The following CRTAC1 variants were observed in gnomAD, a reference collection of about 807,000 sequenced individuals.
CRTAC1 encodes the protein cartilage acidic protein 1.
Under a neutral mutation model 67.8 loss-of-function variants are expected in CRTAC1, and 37 were observed. That is an observed-to-expected ratio of 0.55 (90% CI 0.42 to 0.72). CRTAC1 has a LOEUF of 0.72. CRTAC1 is among the 30% of genes least tolerant of loss of function. The pLI is 0.00. For missense variants in CRTAC1, 780 were observed against 931.6 expected (o/e 0.84, Z 2.12); for synonymous variants, 348 against 371.0 (o/e 0.94, Z 0.71).
chr10:98,005,647 C>T (rs1842776111), intron 2 of CRTAC1, among the ~76,000 whole-genome samples: 1 of 150,680 alleles, frequency 6.6e-6, no homozygotes. Flanking sequence ...CTATTATTTA[C>T]CATATCTATC....
At chr10:97,923,510 G>T in intron 3 of CRTAC1, 110 bp from the exon 4 acceptor site, 2 of 1,380,134 alleles carry the variant, frequency 1.4e-6, no homozygotes, top group South Asian at 1.2e-5. Context: ...ACCAGAGGAG[G>T]TTGGGTCATC....
chr10:97,866,494 G>T (rs2136522097), intron 14 of CRTAC1: 1 of 152,384 alleles, frequency 6.6e-6, no homozygotes. Flanking sequence ...CCAGTTTCCT[G>T]AGATTAGAAC....
intron 2 of CRTAC1, among the ~76,000 whole-genome samples, chr10:97,957,632 C>T (rs2051460889): frequency 6.6e-6 from 1 of 152,142 alleles, no homozygotes; most frequent in Non-Finnish European, 1.5e-5. Context: ...GTTCTTAACA[C>T]AGTTTTCTTC....
At chr10:98,009,019 G>A (rs1842854620) in intron 2 of CRTAC1, among the ~76,000 whole-genome samples, 1 of 152,134 alleles carries the variant, frequency 6.6e-6, no homozygotes, top group Non-Finnish European at 1.5e-5. Context: ...GTGTCTCCCT[G>A]ATTCAGAGAG....
At chr10:97,908,797 A>G (rs1427373809) in intron 5 of CRTAC1, among the ~76,000 whole-genome samples, 3 of 152,254 alleles carry the variant, frequency 2.0e-5, no homozygotes, top group South Asian at 2.1e-4. Flanking sequence ...AGAATCAGCA[A>G]TTCACCAAGT....
chr10:98,030,434 G>A lies in CRTAC1; in HGVS notation c.24+15C>T. 11 of 1,248,822 alleles carry A rather than the reference G, an allele frequency of 8.8e-6. No homozygotes were observed. The highest frequency in any genetic ancestry group is 1.1e-5 in the Non-Finnish European group (11 of 987,858). The allele number at this position is 1,248,822 out of a possible 1,614,324, so 77.4% of individuals were successfully genotyped here. On this transcript the variant is annotated intron_variant, in intron 1 of 14. Transcript: ENST00000370597. The surrounding 1 kb of genome is among the most constrained non-coding windows in gnomAD (Gnocchi z 4.2). ...TCTCCGCCTTAGGGTGGGGGGCACC[G>A]GTGCAGATACTCACGCCGGGGTCAG... is the stretch of plus-strand genomic sequence containing the variant.
At chr10:98,018,735 CGTT>C (rs1250544330) in intron 1 of CRTAC1, among the ~76,000 whole-genome samples, 1 of 152,130 alleles carries the variant, frequency 6.6e-6, no homozygotes, top group Non-Finnish European at 1.5e-5. Flanking sequence ...ATATTTCCGA[CGTT>C]GGCGACAAGC....
intron 4 of CRTAC1, among the ~76,000 whole-genome samples, chr10:97,922,703 T>C (rs981672138): frequency 6.6e-6 from 1 of 152,206 alleles, no homozygotes; most frequent in African/African-American, 2.4e-5. Context: ...GGCACCTCTG[T>C]GTAGGGTGCA....
At position 97,904,798 on chromosome 10, in the gene CRTAC1, GTGGGGGTCGTCCAC is replaced by G; in HGVS notation, c.853_866del (p.Val285ProfsTer10). On this transcript the variant is annotated frameshift_variant and splice_region_variant, in exon 7 of 15. Transcript: ENST00000370597. LOFTEE classifies it high-confidence loss of function. ...CCAGGGCGACACCTCGCCCATGCTG[GTGGGGGTCGTCCAC>G]ACCTGGGGAGGAGAGGCAGGAACTC... 1 of 1,600,186 alleles carries G rather than the reference GTGGGGGTCGTCCAC, an allele frequency of 6.2e-7. No individual in the cohort carries two copies. The highest frequency in any genetic ancestry group is 8.5e-7 in the Non-Finnish European group (1 of 1,174,458).
At chr10:98,002,683 C>G (rs1323749054) in intron 2 of CRTAC1, among the ~76,000 whole-genome samples, 1 of 144,044 alleles carries the variant, frequency 6.9e-6, no homozygotes, top group Non-Finnish European at 1.5e-5. Flanking sequence ...AGGTGTCAAA[C>G]AGTGAGTTAC....
At chr10:97,985,375 C>T (rs2051963236) in intron 2 of CRTAC1, among the ~76,000 whole-genome samples, 1 of 152,178 alleles carries the variant, frequency 6.6e-6, no homozygotes, top group African/African-American at 2.4e-5. Flanking sequence ...TCTTCTTTAT[C>T]TCATAGCTCC....
intron 13 of CRTAC1, among the ~76,000 whole-genome samples, chr10:97,880,707 G>A (rs1195093938): frequency 6.6e-6 from 1 of 152,122 alleles, no homozygotes; most frequent in East Asian, 1.9e-4. Context: ...CCAGACTCAC[G>A]AATACAATAA....
intron 2 of CRTAC1, among the ~76,000 whole-genome samples, chr10:97,969,298 T>G (rs1461617169): frequency 6.6e-6 from 1 of 151,284 alleles, no homozygotes; most frequent in Non-Finnish European, 1.5e-5. Context: ...CAGGGAAGAG[T>G]AGATTGGCAA....
At chr10:98,010,344 A>G (rs1019422724) in intron 2 of CRTAC1, among the ~76,000 whole-genome samples, 19 of 152,150 alleles carry the variant, frequency 1.2e-4, no homozygotes, top group African/African-American at 4.6e-4. Context: ...CCGGCCCTCA[A>G]TGCATAATAA....
intron 4 of CRTAC1, among the ~76,000 whole-genome samples, chr10:97,922,307 T>C (rs1480286553): frequency 6.6e-6 from 1 of 152,200 alleles, no homozygotes; most frequent in Non-Finnish European, 1.5e-5. Context: ...TAAATATTTA[T>C]ACCTGGCACC....
At chr10:97,911,345 A>G (rs921539366) in intron 5 of CRTAC1, among the ~76,000 whole-genome samples, 4 of 152,240 alleles carry the variant, frequency 2.6e-5, no homozygotes, top group African/African-American at 4.8e-5. Context: ...TTTCTAATTA[A>G]CTAATTGGGT....
intron 2 of CRTAC1, among the ~76,000 whole-genome samples, chr10:97,981,158 C>A (rs1473975919): frequency 6.6e-6 from 1 of 152,104 alleles, no homozygotes; most frequent in Non-Finnish European, 1.5e-5. Flanking sequence ...GAAAAAAATT[C>A]TTGTGTGACC....
At chr10:97,991,268 C>A (rs1263583585) in intron 2 of CRTAC1, among the ~76,000 whole-genome samples, 1 of 151,482 alleles carries the variant, frequency 6.6e-6, no homozygotes, top group Non-Finnish European at 1.5e-5. Flanking sequence ...CAAAAATTAG[C>A]CAGGTGTGGT....
intron 2 of CRTAC1, among the ~76,000 whole-genome samples, chr10:97,982,951 C>G (rs1172457138): frequency 6.6e-6 from 1 of 152,166 alleles, no homozygotes; most frequent in East Asian, 1.9e-4. Flanking sequence ...CAAAAGCCAA[C>G]AGCATTTAGC....
Sources: allele counts gnomAD v4.1 joint callset (sites outside exome capture counted in the v4.1 genomes callset), GRCh38; gene constraint gnomAD v4.1.1; non-coding constraint Gnocchi (gnomAD v3.1); transcripts MANE v1.5; gene names NCBI Gene and HGNC (gene_info 2026-07-23, HGNC 2026-07-21).